Variants in KIRREL3 observed in about 807,000 individuals in gnomAD.
KIRREL3 encodes the protein kirre like nephrin family adhesion molecule 3.
A neutral mutation model predicts 89.7 loss-of-function variants in KIRREL3; 36 were observed. The observed-to-expected ratio is 0.40, with a 90% CI of 0.31 to 0.53. The LOEUF (loss-of-function observed/expected upper bound fraction) is 0.53, where lower values mean the gene tolerates loss of function less well. KIRREL3 is among the 20% of genes least tolerant of loss of function. The pLI is 0.49. For synonymous variants in KIRREL3, 445 were observed against 441.4 expected (o/e 1.01, Z -0.10); for missense variants, 864 against 1,056.6 (o/e 0.82, Z 2.53).
At position 126,876,301 on chromosome 11, in the gene KIRREL3, A is replaced by G. The variant is rs1458733535; in HGVS notation, c.55+124154T>C. Among the ~76,000 whole-genome samples, 1 of 152,216 alleles carries G rather than the reference A, an allele frequency of 6.6e-6. No homozygotes were observed. Among genetic ancestry groups the G allele is most frequent in the Non-Finnish European group, 1.5e-5 (1 of 68,040 alleles). Reference sequence around the variant, plus strand: ...AGATCTGCTGGAGGCAACGATCTCTAGACTCAGTTTCTCAGCCTGAAGGCA... The same window carrying G: ...AGATCTGCTGGAGGCAACGATCTCTGGACTCAGTTTCTCAGCCTGAAGGCA... On this transcript the variant is annotated intron_variant, in intron 1 of 16. Coordinates refer to ENST00000525144, the MANE Select transcript of KIRREL3 (RefSeq NM_032531.4). The surrounding 1 kb of genome is among the most constrained non-coding windows in gnomAD (Gnocchi z 4.1).
chr11:126,603,732 A>G (rs567537594), intron 1 of KIRREL3, among the ~76,000 whole-genome samples: 2 of 152,348 alleles, frequency 1.3e-5, no homozygotes, highest in South Asian at 4.1e-4. Context: ...TATCCTGGGC[A>G]GGTGTGCTGG....
intron 1 of KIRREL3, among the ~76,000 whole-genome samples, chr11:126,916,420 C>T (rs1947040047): frequency 6.6e-6 from 1 of 152,086 alleles, no homozygotes; most frequent in African/African-American, 2.4e-5. Context: ...AACACGTACC[C>T]AGGTGATGTC....
chr11:126,927,987 C>T (rs1364175664), intron 1 of KIRREL3, among the ~76,000 whole-genome samples: 1 of 152,182 alleles, frequency 6.6e-6, no homozygotes, highest in East Asian at 1.9e-4. Flanking sequence ...AATGAGGAAA[C>T]AAATAAAAAA....
At position 126,710,686 on chromosome 11, in the gene KIRREL3, C is replaced by T. The variant is rs1473525528; in HGVS notation, c.56-147774G>A. 6.6e-6 allele frequency among the ~76,000 whole-genome samples: 1 copy of T among 152,072 alleles called. No homozygotes were observed. Among genetic ancestry groups the T allele is most frequent in the African/African-American group, 2.4e-5 (1 of 41,388 alleles). ...GAGTCCCTGGTGCCCCGAAGGAAAGCAAATCAGCCTCACTTATAATTAAGT... is the reference window on the plus strand; with the variant it reads ...GAGTCCCTGGTGCCCCGAAGGAAAGTAAATCAGCCTCACTTATAATTAAGT... On this transcript the variant is annotated intron_variant, in intron 1 of 16. Coordinates refer to ENST00000525144, the MANE Select transcript of KIRREL3 (RefSeq NM_032531.4). The surrounding 1 kb of genome is among the most constrained non-coding windows in gnomAD (Gnocchi z 4.2).
chr11:126,762,170 CATAAATAAA>C (rs1448417640), intron 1 of KIRREL3, among the ~76,000 whole-genome samples: 1 of 151,164 alleles, frequency 6.6e-6, no homozygotes, highest in Non-Finnish European at 1.5e-5. Context: ...GTGAGACTGT[CATAAATAAA>C]TAAATAAATA....
At chr11:126,913,428 A>G (rs1946905204) in intron 1 of KIRREL3, among the ~76,000 whole-genome samples, 1 of 152,188 alleles carries the variant, frequency 6.6e-6, no homozygotes, top group Admixed American at 6.5e-5. Flanking sequence ...CTGACCAATT[A>G]TCTCACTCTT....
At chr11:126,733,029 G>A (rs145889539) in intron 1 of KIRREL3, among the ~76,000 whole-genome samples, 1 of 152,362 alleles carries the variant, frequency 6.6e-6, no homozygotes, top group African/African-American at 2.4e-5. Flanking sequence ...AATGAGTCCT[G>A]GGGTTCTGAA....
In KIRREL3 at chr11:126,570,792, C is replaced by G. The variant is rs1464033566; in HGVS notation, c.56-7880G>C. On this transcript the variant is annotated intron_variant, in intron 1 of 16. Coordinates refer to ENST00000525144, the MANE Select transcript of KIRREL3 (RefSeq NM_032531.4). This position sits in a 1 kb window ranked among gnomAD's most constrained non-coding sequence, Gnocchi z 6.1. ...GCTGCTATGTCTCAGATCCTGTGTG[C>G]CTGCAGGAAATCTACATGCCCATGT... Among the ~76,000 whole-genome samples the G allele has an allele frequency of 1.3e-5, 2 of 152,186 alleles. No homozygotes were observed. Among genetic ancestry groups the G allele is most frequent in the Non-Finnish European group, 2.9e-5 (2 of 68,030 alleles).
chr11:126,580,067 G>A (rs1008441014), intron 1 of KIRREL3, among the ~76,000 whole-genome samples: 1 of 152,030 alleles, frequency 6.6e-6, no homozygotes, highest in Non-Finnish European at 1.5e-5. Flanking sequence ...GGATGGTCTC[G>A]ATCTCCTGAC....
At chr11:126,518,126 T>G (rs1221599563) in intron 4 of KIRREL3, among the ~76,000 whole-genome samples, 1 of 152,208 alleles carries the variant, frequency 6.6e-6, no homozygotes, top group African/African-American at 2.4e-5. Context: ...TCCCTCCTTC[T>G]GCCTCCCGAG....
At chr11:126,518,277 G>T (rs987471889) in intron 4 of KIRREL3, among the ~76,000 whole-genome samples, 4 of 152,240 alleles carry the variant, frequency 2.6e-5, no homozygotes, top group African/African-American at 9.6e-5. Context: ...CAGCGGCTCT[G>T]CGAGCTGGCC....
chr11:126,903,009 C>G lies in KIRREL3; in HGVS notation c.55+97446G>C, dbSNP rs7938092. Among the ~76,000 whole-genome samples, 61,868 of 151,978 alleles carry G rather than the reference C, an allele frequency of 0.41. 13,975 individuals carry two copies. Among genetic ancestry groups the G allele is most frequent in the African/African-American group, 0.61 (25,412 of 41,448 alleles). ...TTTTTTTAAAAAAAAGGAAGCCCAG[C>G]GTCCTATGACCTTGTGAAAGAAGCA... is the stretch of plus-strand genomic sequence containing the variant. On this transcript the variant is annotated intron_variant, in intron 1 of 16. Coordinates refer to ENST00000525144, the MANE Select transcript of KIRREL3 (RefSeq NM_032531.4). This position sits in a 1 kb window ranked among gnomAD's most constrained non-coding sequence, Gnocchi z 4.5.
At chr11:126,467,125 C>T (rs747608451) in intron 5 of KIRREL3, among the ~76,000 whole-genome samples, 2 of 152,242 alleles carry the variant, frequency 1.3e-5, no homozygotes, top group Admixed American at 6.5e-5. Flanking sequence ...GGTATGTGCG[C>T]GTACCTGTTT....
chr11:126,833,890 C>T (rs955685663), intron 1 of KIRREL3, among the ~76,000 whole-genome samples: 5 of 152,176 alleles, frequency 3.3e-5, no homozygotes, highest in Admixed American at 2.0e-4. Flanking sequence ...AGAATTAACA[C>T]CCTGCTGCTT....
chr11:126,966,786 T>C (rs964853971), intron 1 of KIRREL3, among the ~76,000 whole-genome samples: 1 of 152,090 alleles, frequency 6.6e-6, no homozygotes, highest in Non-Finnish European at 1.5e-5. Context: ...ATCTGTAAAA[T>C]GGGAATAATG....
Position 126,623,228 on chromosome 11 carries a change from A to C in KIRREL3, c.56-60316T>G, listed in dbSNP as rs1943644518. Among the ~76,000 whole-genome samples, 1 of 152,230 alleles carries C rather than the reference A, an allele frequency of 6.6e-6. No homozygotes were observed. Among genetic ancestry groups the C allele is most frequent in the African/African-American group, 2.4e-5 (1 of 41,550 alleles). ...TCAACTCATCTCAATGGGTGGAAAA[A>C]CCTACCCACATGCTATGAGGATGGG... On this transcript the variant is annotated intron_variant, in intron 1 of 16. Coordinates refer to ENST00000525144, the MANE Select transcript of KIRREL3 (RefSeq NM_032531.4). The surrounding 1 kb of genome is among the most constrained non-coding windows in gnomAD (Gnocchi z 4.1).
Position 126,525,224 on chromosome 11 carries a change from G to A in KIRREL3, c.283+1314C>T, listed in dbSNP as rs1009271669. Among the ~76,000 whole-genome samples the A allele has an allele frequency of 3.9e-5, 6 of 152,288 alleles. No homozygotes were observed. In the South Asian group the frequency reaches 6.2e-4, roughly 16 times the overall value. On this transcript the variant is annotated intron_variant, in intron 3 of 16. Coordinates refer to ENST00000525144, the MANE Select transcript of KIRREL3 (RefSeq NM_032531.4). This position sits in a 1 kb window ranked among gnomAD's most constrained non-coding sequence, Gnocchi z 5.4. ...GACGGAAGTTGGAAACCCACTGACC[G>A]GGACCCCAGACAGCCTCCTTAACTA...
At position 126,710,148 on chromosome 11, in the gene KIRREL3, C is replaced by T. The variant is rs1266223684; in HGVS notation, c.56-147236G>A. ...CTAAGCCCATGCTTATTCTACTATT[C>T]TGTCCTGTGTCCATCAGTAGATGGG... On this transcript the variant is annotated intron_variant, in intron 1 of 16. Transcript: ENST00000525144. The surrounding 1 kb of genome is among the most constrained non-coding windows in gnomAD (Gnocchi z 4.2). Among the ~76,000 whole-genome samples, 2 of 152,226 alleles carry T rather than the reference C, an allele frequency of 1.3e-5. No individual in the cohort carries two copies. Among genetic ancestry groups the T allele is most frequent in the African/African-American group, 4.8e-5 (2 of 41,452 alleles).
intron 1 of KIRREL3, among the ~76,000 whole-genome samples, chr11:126,854,146 G>GTGTT (rs1223918479): frequency 1.3e-5 from 2 of 151,176 alleles, no homozygotes; most frequent in Non-Finnish European, 2.9e-5. Context: ...GTGTGTGTGT[G>GTGTT]TGTGTGTGTG....
Sources: allele counts gnomAD v4.1 joint callset (sites outside exome capture counted in the v4.1 genomes callset), GRCh38; gene constraint gnomAD v4.1.1; non-coding constraint Gnocchi (gnomAD v3.1); transcripts MANE v1.5; gene names NCBI Gene and HGNC (gene_info 2026-07-23, HGNC 2026-07-21).